TSHZ1: variants seen among roughly 807,000 people sequenced by gnomAD.
TSHZ1 encodes the protein teashirt zinc finger homeobox 1.
Under a neutral mutation model 67.1 loss-of-function variants are expected in TSHZ1, and 12 were observed. That is an observed-to-expected ratio of 0.18 (90% CI 0.11 to 0.29). The LOEUF is 0.29. Ranked by LOEUF, TSHZ1 falls within the 10% of genes least tolerant of loss-of-function variation. The pLI, the probability that TSHZ1 is intolerant of heterozygous loss-of-function variation, is 1.00. For missense variants in TSHZ1, 1,305 were observed against 1,413.9 expected (o/e 0.92, Z 1.23); for synonymous variants, 632 against 622.4 (o/e 1.02, Z -0.23).
intron 1 of TSHZ1, among the ~76,000 whole-genome samples, chr18:75,262,592 T>G (rs760486336): frequency 1.3e-5 from 2 of 152,324 alleles, no homozygotes; most frequent in African/African-American, 2.4e-5. Context: ...AAAATACGCT[T>G]GCATTAAGCA....
Position 75,211,004 on chromosome 18 carries a change from G to GC in TSHZ1, c.-873_-872insC, listed in dbSNP as rs1030016416. 7.0e-5 allele frequency: 2 copies of GC among 28,472 alleles called. No individual in the cohort carries two copies. The highest frequency in any genetic ancestry group is 3.6e-4 in the Admixed American group (1 of 2,766). 1.8% of individuals were successfully genotyped at this position (28,472 alleles called of 1,614,324 possible). A position where few individuals can be genotyped will look rare whatever the true frequency, so the allele number is the denominator to read the frequency against. ...GTTGTTGCCTTTTTTTTTTCTTGGA[G>GC]GGGGGGGTGCTTTTTGTGTATTTTT... On this transcript the variant is annotated 5_prime_UTR_variant, in exon 1 of 2. An upstream open reading frame in the 5' UTR gains an earlier in-frame stop. Coordinates refer to ENST00000580243, the MANE Select transcript of TSHZ1 (RefSeq NM_001308210.2).
chr18:75,225,203 G>A (rs1037503263), intron 1 of TSHZ1, among the ~76,000 whole-genome samples: 15 of 152,162 alleles, frequency 9.9e-5, no homozygotes, highest in Admixed American at 3.9e-4. Context: ...GTGCATGGTG[G>A]GCGCACAGGC....
At chr18:75,231,789 C>G (rs36035498) in intron 1 of TSHZ1, among the ~76,000 whole-genome samples, 13,159 of 152,218 alleles carry the variant, frequency 0.086, 741 homozygotes, top group Admixed American at 0.14. Context: ...CCGCTTTGGC[C>G]TCCCAAAGTG....
At chr18:75,212,025 G>A (rs2022700644) in intron 1 of TSHZ1, 109 bp downstream of exon 1, 4 of 859,558 alleles carry the variant, frequency 4.7e-6, no homozygotes, top group Non-Finnish European at 6.0e-6. Flanking sequence ...CCCCAAGCTG[G>A]GGAGGGGAGG....
At chr18:75,250,518 T>C (rs7226920) in intron 1 of TSHZ1, among the ~76,000 whole-genome samples, 119,073 of 151,792 alleles carry the variant, frequency 0.78, 46,841 homozygotes, top group South Asian at 0.87. Flanking sequence ...CGGTGCGGGC[T>C]GGCCCAGGGT....
At chr18:75,217,791 C>G (rs369080901) in intron 1 of TSHZ1, among the ~76,000 whole-genome samples, 26 of 152,296 alleles carry the variant, frequency 1.7e-4, no homozygotes, top group Non-Finnish European at 2.9e-4. Context: ...TGAGTATTCT[C>G]AAGTGGTAGC....
chr18:75,275,243 G>C (rs2122601555), intron 1 of TSHZ1, among the ~76,000 whole-genome samples: 1 of 152,270 alleles, frequency 6.6e-6, no homozygotes, highest in East Asian at 1.9e-4. Flanking sequence ...GGGTTTTGGA[G>C]ACTGTGGAAG....
Position 75,235,032 on chromosome 18 carries a change from C to T in TSHZ1, c.40+23116C>T, listed in dbSNP as rs142471450. On this transcript the variant is annotated intron_variant, in intron 1 of 1. Transcript: ENST00000580243. ...CCAGTAGTAAAGGTGTAGACCCCAG[C>T]CCCCAGGGTTCCTGGTGCTTGTGAG... Among the ~76,000 whole-genome samples the T allele has an allele frequency of 4.1e-4, 63 of 152,112 alleles. No homozygotes were observed. In the East Asian group the frequency reaches 8.9e-3, roughly 21 times the overall value.
At chr18:75,270,541 C>G (rs540316508) in intron 1 of TSHZ1, among the ~76,000 whole-genome samples, 39 of 152,294 alleles carry the variant, frequency 2.6e-4, no homozygotes, top group African/African-American at 9.4e-4. Context: ...CCTTCTCTAT[C>G]CAGGTGGATC....
At chr18:75,269,387 C>A (rs1174347678) in intron 1 of TSHZ1, among the ~76,000 whole-genome samples, 1 of 152,088 alleles carries the variant, frequency 6.6e-6, no homozygotes, top group Admixed American at 6.5e-5. Context: ...CCTGGCCCAG[C>A]AGGAAGACAG....
intron 1 of TSHZ1, among the ~76,000 whole-genome samples, chr18:75,246,983 G>C (rs2122559253): frequency 6.6e-6 from 1 of 152,210 alleles, no homozygotes; most frequent in South Asian, 2.1e-4. Flanking sequence ...CGGGAGTGGA[G>C]GATTTATTCC....
At position 75,288,088 on chromosome 18, in the gene TSHZ1, C is replaced by T. The variant is rs886054117; in HGVS notation, c.2681C>T (p.Pro894Leu). 5 of 1,613,436 alleles carry T rather than the reference C, an allele frequency of 3.1e-6. No homozygotes were observed. Among genetic ancestry groups the T allele is most frequent in the African/African-American group, 2.7e-5 (2 of 74,936 alleles). ...AAGGGCCGGCAGTCCAACTGGAACCCGCAGCACCTTCTCATCCTGCAGGCC... is the reference window on the plus strand; with the variant it reads ...AAGGGCCGGCAGTCCAACTGGAACCTGCAGCACCTTCTCATCCTGCAGGCC... ...KRKGRQSNWN[P>L]QHLLILQAQF... Residue 894 changes from proline (P) to leucine (L), a missense_variant, in exon 2 of 2, where the codon CCG becomes CTG. Transcript: ENST00000580243. This position sits in a 1 kb window ranked among gnomAD's most constrained non-coding sequence, Gnocchi z 4.9.
rs773120276 is a variant in TSHZ1, at chr18:75,288,675, A to C, written c.*34A>C. 3 of 1,537,480 alleles carry C rather than the reference A, an allele frequency of 2.0e-6. No individual in the cohort carries two copies. Among genetic ancestry groups the C allele is most frequent in the Non-Finnish European group, 2.6e-6 (3 of 1,143,788 alleles). ...TATGCAAGAGACCGCGGAACATTGC[A>C]CTAAACGTCGTCGAGCTGCACTAGG... On this transcript the variant is annotated 3_prime_UTR_variant, in exon 2 of 2. Coordinates refer to ENST00000580243, the MANE Select transcript of TSHZ1 (RefSeq NM_001308210.2). This position sits in a 1 kb window ranked among gnomAD's most constrained non-coding sequence, Gnocchi z 4.9.
intron 1 of TSHZ1, among the ~76,000 whole-genome samples, chr18:75,274,237 A>T (rs761107943): frequency 5.9e-5 from 9 of 152,204 alleles, no homozygotes; most frequent in Non-Finnish European, 1.0e-4. Context: ...GTTTTATTTG[A>T]TGGGGAAAAA....
chr18:75,287,267 C>T lies in TSHZ1; in HGVS notation c.1860C>T (p.Leu620=), dbSNP rs1229599349. The change falls in exon 2 of 2, where the codon CTC becomes CTT. Residue 620 remains leucine, a synonymous_variant. Transcript: ENST00000580243. This position sits in a 1 kb window ranked among gnomAD's most constrained non-coding sequence, Gnocchi z 5.0. The part of the protein sequence containing the change: ...KSLSSAEHNA[L]LHSPGSLTPP... ...TGTCTTCCGCCGAGCACAACGCCCT[C>T]CTGCACTCCCCAGGGAGCCTCACGC... is the stretch of plus-strand genomic sequence containing the variant. The T allele has an allele frequency of 1.2e-6, 2 of 1,613,868 alleles. No individual in the cohort carries two copies. Among genetic ancestry groups the T allele is most frequent in the African/African-American group, 2.7e-5 (2 of 74,910 alleles).
At position 75,268,679 on chromosome 18, in the gene TSHZ1, A is replaced by C. The variant is rs200402549; in HGVS notation, c.41-16769A>C. ...CTTCCCTCCTCCCCCTCCCCAAAAA[A>C]TCAGCGAGCAAACCATGCGAGTTAC... On this transcript the variant is annotated intron_variant, in intron 1 of 1. Transcript: ENST00000580243. Among the ~76,000 whole-genome samples the C allele has an allele frequency of 2.6e-5, 4 of 152,146 alleles. No individual in the cohort carries two copies. The East Asian group carries it at 5.8e-4, about 22-fold the overall frequency.
At chr18:75,226,984 T>C (rs535813942) in intron 1 of TSHZ1, among the ~76,000 whole-genome samples, 95 of 152,274 alleles carry the variant, frequency 6.2e-4, no homozygotes, top group African/African-American at 2.1e-3. Context: ...GGAGTGATTG[T>C]TCCAAGCCCA....
chr18:75,263,897 G>A (rs1030625666), intron 1 of TSHZ1, among the ~76,000 whole-genome samples: 1 of 152,228 alleles, frequency 6.6e-6, no homozygotes, highest in South Asian at 2.1e-4. Flanking sequence ...CATGATGCTA[G>A]CAACAGTCAG....
intron 1 of TSHZ1, among the ~76,000 whole-genome samples, chr18:75,222,602 G>T (rs1365619966): frequency 6.6e-6 from 1 of 152,106 alleles, no homozygotes; most frequent in Non-Finnish European, 1.5e-5. Flanking sequence ...ACCCTGTCCT[G>T]AGATCATGGG....
Sources: gnomAD v4.1 joint callset for allele counts (sites outside exome capture counted in the v4.1 genomes callset) on GRCh38, gnomAD v4.1.1 for gene constraint, Gnocchi (gnomAD v3.1) non-coding constraint, MANE v1.5 for transcripts, NCBI Gene and HGNC (gene_info 2026-07-23, HGNC 2026-07-21) for gene names.